Variants in HSPA12B observed in about 807,000 individuals in gnomAD.
The protein encoded by HSPA12B is heat shock protein family A (Hsp70) member 12B.
A neutral mutation model predicts 69.3 loss-of-function variants in HSPA12B; 54 were observed. The observed-to-expected ratio is 0.78, with a 90% confidence interval of 0.63 to 0.98. The LOEUF (loss-of-function observed/expected upper bound fraction) is 0.98, where lower values mean the gene tolerates loss of function less well. HSPA12B is among the 50% of genes least tolerant of loss of function. The pLI is 0.00. For missense variants in HSPA12B, 929 were observed against 999.8 expected, an observed-to-expected ratio of 0.93 and a Z score of 0.96; for synonymous variants, 441 against 436.5, an observed-to-expected ratio of 1.01 and a Z score of -0.13.
intron 3 of HSPA12B, among the ~76,000 whole-genome samples, chr20:3,741,312 CAAA>C (rs34562275): frequency 4.3e-5 from 6 of 140,618 alleles, no homozygotes; most frequent in Admixed American, 7.0e-5. Context: ...GATGTGTTGC[CAAA>C]AAAAAAAAAA....
intron 7 of HSPA12B, among the ~76,000 whole-genome samples, chr20:3,747,738 G>A (rs911281522): frequency 2.4e-4 from 36 of 152,188 alleles, no homozygotes; most frequent in Non-Finnish European, 4.4e-4. Flanking sequence ...TATGGCTACC[G>A]TCTGACACCA....
At position 3,745,004 on chromosome 20, in the gene HSPA12B, C is replaced by G. The variant is rs766202564; in HGVS notation, c.369C>G (p.Arg123=). Residue 123 remains arginine, a synonymous_variant, in exon 5 of 13, where the codon CGC becomes CGG. Transcript: ENST00000254963. This position sits in a 1 kb window ranked among gnomAD's most constrained non-coding sequence, Gnocchi z 5.6. ...TCCACAGCTTTGGCTACACCGCCCGCGATTACTACCATGACCTGGACCCCG... is the reference window on the plus strand; with the variant it reads ...TCCACAGCTTTGGCTACACCGCCCGGGATTACTACCATGACCTGGACCCCG... ...GAFHSFGYTA[R]DYYHDLDPEE... The G allele has an allele frequency of 9.9e-6, 16 of 1,613,950 alleles. No homozygotes were observed. In the Admixed American group the frequency reaches 2.2e-4, roughly 22 times the overall value.
chr20:3,746,401 C>G (rs1175787362), intron 7 of HSPA12B, among the ~76,000 whole-genome samples: 2 of 142,408 alleles, frequency 1.4e-5, no homozygotes, highest in African/African-American at 5.2e-5. Flanking sequence ...CTCCCAGGTT[C>G]ACGCCATTCT....
rs771590822 is a variant in HSPA12B, at chr20:3,745,082, C to T, written c.447C>T (p.Ser149=). 2 of 1,612,820 alleles carry T rather than the reference C, an allele frequency of 1.2e-6. No homozygotes were observed. Among genetic ancestry groups the T allele is most frequent in the Non-Finnish European group, 8.5e-7 (1 of 1,179,516 alleles). ...AGAAGTTCAAGATGAAGATCCACAG[C>T]GCCACGGTGAGTCACAGGGCTCCAG... ...YFEKFKMKIH[S]ATDLTLKTQL... Residue 149 remains serine (S), a synonymous_variant, in exon 5 of 13, where the codon AGC becomes AGT. Coordinates refer to ENST00000254963, the MANE Select transcript of HSPA12B (RefSeq NM_052970.5). The surrounding 1 kb of genome is among the most constrained non-coding windows in gnomAD (Gnocchi z 5.6).
chr20:3,733,038 C>T (rs977864108), intron 1 of HSPA12B, among the ~76,000 whole-genome samples: 2 of 152,226 alleles, frequency 1.3e-5, no homozygotes, highest in Non-Finnish European at 2.9e-5. Context: ...TGCTCAGAGG[C>T]TTAGGCTGGA....
chr20:3,751,085 T>C (rs1205451920), intron 12 of HSPA12B, 178 bp downstream of exon 12: 17 of 415,216 alleles, frequency 4.1e-5, no homozygotes, highest in Non-Finnish European at 5.2e-5. Flanking sequence ...AGGGTTGATA[T>C]GTAGTCTTGC....
chr20:3,739,052 T>C (rs2088153548), intron 2 of HSPA12B, among the ~76,000 whole-genome samples: 1 of 152,210 alleles, frequency 6.6e-6, no homozygotes, highest in Non-Finnish European at 1.5e-5. Flanking sequence ...CAGGAGTGTA[T>C]GCATGTGCGT....
In HSPA12B at chr20:3,750,023, G is replaced by C; in HGVS notation, c.1097G>C (p.Arg366Pro). Reference sequence around the variant, plus strand: ...CTGGCCTTCGAGCAGCTGCTGTGCCGCATCTTCGGCGAGGACTTCATCGCC... The same window carrying C: ...CTGGCCTTCGAGCAGCTGCTGTGCCCCATCTTCGGCGAGGACTTCATCGCC... ...VDLAFEQLLC[R>P]IFGEDFIATF... The change falls in exon 11 of 13, where the codon CGC (arginine) becomes CCC (proline). Residue 366 changes from arginine (R) to proline (P), a missense_variant. By Grantham distance (103) the Arg-to-Pro change is moderately radical. Transcript: ENST00000254963. The C allele has an allele frequency of 6.3e-7, 1 of 1,596,142 alleles. No homozygotes were observed. The highest frequency in any genetic ancestry group is 8.5e-7 in the Non-Finnish European group (1 of 1,172,242).
At position 3,750,816 on chromosome 20, in the gene HSPA12B, G is replaced by T. The variant is rs1406121687; in HGVS notation, c.1314G>T (p.Val438=). The part of the protein sequence containing the change: ...TALRRSSVNF[V]KWSSQGMLRM... ...TCACCACCAACAGCGTGAACTTCGTGAAGTGGTCCTCACAGGGGATGCTCC... is the reference window on the plus strand; with the variant it reads ...TCACCACCAACAGCGTGAACTTCGTTAAGTGGTCCTCACAGGGGATGCTCC... Residue 438 remains valine, a synonymous_variant, in exon 12 of 13, where the codon GTG becomes GTT. Coordinates refer to ENST00000254963, the MANE Select transcript of HSPA12B (RefSeq NM_052970.5). The T allele has an allele frequency of 6.2e-7, 1 of 1,613,788 alleles. No homozygotes were observed. The highest frequency in any genetic ancestry group is 8.5e-7 in the Non-Finnish European group (1 of 1,180,036).
rs2088371254 is a variant in HSPA12B at position 3,749,581 on chromosome 20, AT to A, written c.938-168del. Among the ~76,000 whole-genome samples, 1 of 152,066 alleles carries A rather than the reference AT, an allele frequency of 6.6e-6. No homozygotes were observed. The highest frequency in any genetic ancestry group is 1.5e-5 in the Non-Finnish European group (1 of 67,986). ...TTTCTGCCCCACACCCTGCGCCCAT[AT>A]GTGGTGGTCTGAGGTTCAAGCACCT... is the stretch of plus-strand genomic sequence containing the variant. On this transcript the variant is annotated intron_variant, in intron 9 of 12. Transcript: ENST00000254963. This position sits in a 1 kb window ranked among gnomAD's most constrained non-coding sequence, Gnocchi z 5.5.
At position 3,749,321 on chromosome 20, in the gene HSPA12B, A is replaced by T; in HGVS notation, c.937+3A>T. ...GCTGTGGGCAGAGATGCAAGCAGGTAGGGGGAAAGGGGGACGGAGTGTTAT... is the reference window on the plus strand; with the variant it reads ...GCTGTGGGCAGAGATGCAAGCAGGTTGGGGGAAAGGGGGACGGAGTGTTAT... On this transcript the variant is annotated splice_donor_region_variant and intron_variant, in intron 9 of 12. Coordinates refer to ENST00000254963, the MANE Select transcript of HSPA12B (RefSeq NM_052970.5). This position sits in a 1 kb window ranked among gnomAD's most constrained non-coding sequence, Gnocchi z 5.5. The T allele has an allele frequency of 6.2e-7, 1 of 1,611,526 alleles. No homozygotes were observed. Among genetic ancestry groups the T allele is most frequent in the Non-Finnish European group, 8.5e-7 (1 of 1,178,458 alleles).
rs556503520 is a variant in HSPA12B at position 3,752,256 on chromosome 20, G to A, written c.*90G>A. The A allele has an allele frequency of 1.5e-4, 188 of 1,258,704 alleles. No individual in the cohort carries two copies. The highest frequency in any genetic ancestry group is 1.9e-4 in the Non-Finnish European group (183 of 957,646). 78.0% of individuals were successfully genotyped at this position (1,258,704 alleles called of 1,614,324 possible). Reference sequence around the variant, plus strand: ...CGGAGCGGGTTGGGGCGGGGGAAACGATAGTTCTGCAGTCTGCGCCTTTCC... The same window carrying A: ...CGGAGCGGGTTGGGGCGGGGGAAACAATAGTTCTGCAGTCTGCGCCTTTCC... On this transcript the variant is annotated 3_prime_UTR_variant, in exon 13 of 13. Transcript: ENST00000254963.
intron 1 of HSPA12B, among the ~76,000 whole-genome samples, chr20:3,736,188 G>GCTGGGCT (rs1224904624): frequency 2.0e-5 from 3 of 152,294 alleles, no homozygotes; most frequent in African/African-American, 7.2e-5. Flanking sequence ...ATCATCCTGA[G>GCTGGGCT]CTGGGCTCTG....
chr20:3,742,367 T>A lies in HSPA12B; in HGVS notation c.225T>A (p.Ala75=). 1 of 1,614,014 alleles carries A rather than the reference T, an allele frequency of 6.2e-7. No homozygotes were observed. Among genetic ancestry groups the A allele is most frequent in the Non-Finnish European group, 8.5e-7 (1 of 1,179,852 alleles). The change falls in exon 4 of 13, where the codon GCT becomes GCA. Residue 75 remains alanine, a synonymous_variant. Coordinates refer to ENST00000254963, the MANE Select transcript of HSPA12B (RefSeq NM_052970.5). The part of the protein sequence containing the change: ...IDFGTTSSGY[A]FSFASDPEAI... ...TCGGCACCACGTCTAGTGGCTATGC[T>A]TTCAGCTTTGCCAGTGACCCTGAGG...
At chr20:3,748,683 A>G (rs1026817410) in intron 8 of HSPA12B, among the ~76,000 whole-genome samples, 19 of 152,130 alleles carry the variant, frequency 1.2e-4, no homozygotes, top group African/African-American at 4.6e-4. Context: ...GACTCCGCCC[A>G]GCCCTGAGTC....
intron 11 of HSPA12B, chr20:3,750,521 C>CA: frequency 3.4e-6 from 1 of 298,208 alleles, no homozygotes; most frequent in Non-Finnish European, 5.0e-6. Context: ...CCGGGCCCTG[C>CA]GGGCCCATGC....
intron 12 of HSPA12B, 139 bp from the exon 13 acceptor site, chr20:3,751,372 C>T: frequency 1.5e-6 from 2 of 1,345,052 alleles, no homozygotes; most frequent in Non-Finnish European, 1.9e-6. Context: ...GCTCAAATGG[C>T]TACTTTCTAG....
At position 3,745,140 on chromosome 20, in the gene HSPA12B, G is replaced by A. The variant is rs771775342; in HGVS notation, c.453+52G>A. 1.9e-5 allele frequency: 28 copies of A among 1,458,056 alleles called. No homozygotes were observed. The highest frequency in any genetic ancestry group is 1.8e-4 in the Middle Eastern group (1 of 5,538). The allele number at this position is 1,458,056 out of a possible 1,614,324, so 90.3% of individuals were successfully genotyped here. On this transcript the variant is annotated intron_variant, in intron 5 of 12. Transcript: ENST00000254963. This position sits in a 1 kb window ranked among gnomAD's most constrained non-coding sequence, Gnocchi z 5.6. ...GGCGGGGCCAGCATGGAAAAGGGCA[G>A]GGCTAATGGGGGTGGGTGGGACAAA...
intron 2 of HSPA12B, among the ~76,000 whole-genome samples, chr20:3,739,011 T>G (rs1054147752): frequency 6.6e-6 from 1 of 152,000 alleles, no homozygotes; most frequent in African/African-American, 2.4e-5. Context: ...TGAGTGCGTG[T>G]GTTTGTGTGT....
Sources: allele counts gnomAD v4.1 joint callset (sites outside exome capture counted in the v4.1 genomes callset), GRCh38; gene constraint gnomAD v4.1.1; non-coding constraint Gnocchi (gnomAD v3.1); transcripts MANE v1.5; gene names NCBI Gene and HGNC (gene_info 2026-07-23, HGNC 2026-07-21).